ATP13A5: variants seen among roughly 807,000 people sequenced by gnomAD.
ATP13A5 encodes the protein probable cation-transporting ATPase 13A5.
In ATP13A5, 149 loss-of-function variants were observed where a neutral mutation model predicts 150.2. The ratio of observed to expected loss-of-function variants is 0.99; its 90% CI spans 0.87 to 1.14. ATP13A5 has a LOEUF of 1.14. Among genes scored for constraint, ATP13A5 ranks in the 50% most tolerant of loss-of-function variants. The pLI is 0.00. For missense variants in ATP13A5, 1,383 were observed against 1,449.3 expected (o/e 0.95, Z 0.74); for synonymous variants, 497 against 522.2 (o/e 0.95, Z 0.66).
At chr3:193,367,942 A>AC (rs1002054284) in intron 1 of ATP13A5, among the ~76,000 whole-genome samples, 2 of 148,264 alleles carry the variant, frequency 1.3e-5, no homozygotes, top group African/African-American at 4.9e-5. Flanking sequence ...AGAAGTCTTA[A>AC]CCAGTGCAAC....
intron 29 of ATP13A5, among the ~76,000 whole-genome samples, chr3:193,276,292 A>G (rs2108810922): frequency 6.6e-6 from 1 of 152,344 alleles, no homozygotes; most frequent in African/African-American, 2.4e-5. Flanking sequence ...CACTGAGTAG[A>G]AAAGAAACAC....
chr3:193,346,005 T>A (rs1712321226), intron 7 of ATP13A5, among the ~76,000 whole-genome samples: 1 of 152,030 alleles, frequency 6.6e-6, no homozygotes, highest in African/African-American at 2.4e-5. Context: ...AACTGTGGAT[T>A]TTCATATTGG....
intron 4 of ATP13A5, 34 bp downstream of exon 4, chr3:193,362,533 T>C: frequency 1.9e-6 from 3 of 1,613,652 alleles, no homozygotes; most frequent in Non-Finnish European, 2.5e-6. Context: ...TTCCCCTATA[T>C]CCTGACCAAG....
In ATP13A5 at chr3:193,321,927, G is replaced by A. The variant is rs1295111410; in HGVS notation, c.1759-90C>T. On this transcript the variant is annotated intron_variant, in intron 15 of 29. Transcript: ENST00000342358. Reference sequence around the variant, plus strand: ...ACAAAAGGGCTTTACTGTGCAATGAGCCCAGAGACATCTTGATGTAGTATA... The same window carrying A: ...ACAAAAGGGCTTTACTGTGCAATGAACCCAGAGACATCTTGATGTAGTATA... 6 of 1,380,078 alleles carry A rather than the reference G, an allele frequency of 4.3e-6. No individual in the cohort carries two copies. In the African/African-American group the frequency reaches 7.2e-5, roughly 17 times the overall value. 85.5% of individuals were successfully genotyped at this position (1,380,078 alleles called of 1,614,324 possible). A position where few individuals can be genotyped will look rare whatever the true frequency, so the allele number is the denominator to read the frequency against.
At position 193,319,116 on chromosome 3, in the gene ATP13A5, G is replaced by A. The variant is rs781704642; in HGVS notation, c.1916-8C>T. ...GTGGGAAATTCTTGGGCACTGCCAGGGTAGAAGAAACAGGTAAGTGTAAGG... is the reference window on the plus strand; with the variant it reads ...GTGGGAAATTCTTGGGCACTGCCAGAGTAGAAGAAACAGGTAAGTGTAAGG... On this transcript the variant is annotated splice_polypyrimidine_tract_variant and splice_region_variant and intron_variant, in intron 16 of 29. Transcript: ENST00000342358. The A allele has an allele frequency of 1.2e-6, 2 of 1,607,404 alleles. No homozygotes were observed. The highest frequency in any genetic ancestry group is 1.1e-5 in the South Asian group (1 of 90,822).
chr3:193,349,505 CAA>C (rs76668345), intron 7 of ATP13A5, among the ~76,000 whole-genome samples: 142,315 of 152,122 alleles, frequency 0.94, 66,657 homozygotes, highest in Middle Eastern at 0.98. Context: ...ATATTTGACT[CAA>C]TATATAAATG....
chr3:193,305,173 T>C (rs1464697190), intron 23 of ATP13A5, among the ~76,000 whole-genome samples: 1 of 152,194 alleles, frequency 6.6e-6, no homozygotes, highest in African/African-American at 2.4e-5. Context: ...TGTAATAGTA[T>C]TTAGGGAAGC....
At position 193,364,288 on chromosome 3, in the gene ATP13A5, A is replaced by T. The variant is rs1422437239; in HGVS notation, c.64-8T>A. 2 of 1,602,872 alleles carry T rather than the reference A, an allele frequency of 1.2e-6. No homozygotes were observed. ...CCGGTAACCAAACACCTCCTGGAGA[A>T]TAAATTTAAAAGATCGCTCTATTTT... is the stretch of plus-strand genomic sequence containing the variant. On this transcript the variant is annotated splice_polypyrimidine_tract_variant and splice_region_variant and intron_variant, in intron 1 of 29. Coordinates refer to ENST00000342358, the MANE Select transcript of ATP13A5 (RefSeq NM_198505.4).
chr3:193,368,365 G>C (rs192811191), intron 1 of ATP13A5, among the ~76,000 whole-genome samples: 11 of 147,744 alleles, frequency 7.4e-5, no homozygotes, highest in African/African-American at 1.7e-4. Context: ...TTAGCCATTA[G>C]TAATCCAATT....
chr3:193,309,004 A>G (rs1292567343), intron 21 of ATP13A5, among the ~76,000 whole-genome samples: 1 of 152,200 alleles, frequency 6.6e-6, no homozygotes, highest in African/African-American at 2.4e-5. Flanking sequence ...AAATCTAACA[A>G]TAAAAGGGTG....
chr3:193,315,694 T>C (rs1719022810), intron 17 of ATP13A5, among the ~76,000 whole-genome samples: 1 of 152,188 alleles, frequency 6.6e-6, no homozygotes, highest in Non-Finnish European at 1.5e-5. Context: ...TTTTAAAAAG[T>C]AAATTTGGGG....
At chr3:193,294,450 A>T (rs1164377568) in intron 25 of ATP13A5, among the ~76,000 whole-genome samples, 3 of 152,116 alleles carry the variant, frequency 2.0e-5, no homozygotes, top group African/African-American at 4.8e-5. Flanking sequence ...ACTTCCAGAC[A>T]TGCATTGCCT....
At chr3:193,373,304 AT>A (rs890920495) in intron 1 of ATP13A5, among the ~76,000 whole-genome samples, 15 of 151,584 alleles carry the variant, frequency 9.9e-5, no homozygotes, top group Non-Finnish European at 1.6e-4. Context: ...TGCCCAGCTA[AT>A]TTTTTTTCTT....
At chr3:193,330,180 AG>A (rs973031829) in intron 12 of ATP13A5, among the ~76,000 whole-genome samples, 11 of 152,232 alleles carry the variant, frequency 7.2e-5, no homozygotes, top group African/African-American at 2.6e-4. Context: ...TGCACCTCAA[AG>A]GTGGCCTCCA....
intron 6 of ATP13A5, among the ~76,000 whole-genome samples, chr3:193,353,861 C>T (rs1349866734): frequency 1.3e-5 from 2 of 151,576 alleles, no homozygotes; most frequent in East Asian, 3.9e-4. Flanking sequence ...GTGGACTAAC[C>T]ACCCCACCAC....
At position 193,369,158 on chromosome 3, in the gene ATP13A5, C is replaced by T. The variant is rs544645885; in HGVS notation, c.64-4878G>A. On this transcript the variant is annotated intron_variant, in intron 1 of 29. Transcript: ENST00000342358. ...CCTCAGGAGGCAGAGGTGGGAGGAT[C>T]GCTTGAGCCCAGGAGTTCAGGGCTT... is the stretch of plus-strand genomic sequence containing the variant. Among the ~76,000 whole-genome samples the T allele has an allele frequency of 2.1e-4, 32 of 152,048 alleles. No homozygotes were observed. The South Asian group carries it at 2.9e-3, about 14-fold the overall frequency.
chr3:193,325,925 G>A (rs777948140), intron 13 of ATP13A5, among the ~76,000 whole-genome samples: 3 of 152,138 alleles, frequency 2.0e-5, no homozygotes, highest in Non-Finnish European at 4.4e-5. Flanking sequence ...CCCTTTCACT[G>A]CTCTGGCCAA....
intron 8 of ATP13A5, 102 bp from the exon 9 acceptor site, chr3:193,344,157 C>A: frequency 7.0e-7 from 1 of 1,425,796 alleles, no homozygotes; most frequent in Non-Finnish European, 9.4e-7. Flanking sequence ...CCAAGAGCTA[C>A]CCTACCTGTT....
At chr3:193,344,119 C>G in intron 8 of ATP13A5, 64 bp from the exon 9 acceptor site, 1 of 1,571,966 alleles carries the variant, frequency 6.4e-7, no homozygotes, top group African/African-American at 1.4e-5. Context: ...AGAATGAAGG[C>G]AACTAAGAAT....
Sources: gnomAD v4.1 joint callset for allele counts (sites outside exome capture counted in the v4.1 genomes callset) on GRCh38, gnomAD v4.1.1 for gene constraint, MANE v1.5 for transcripts, NCBI Gene and HGNC (gene_info 2026-07-23, HGNC 2026-07-21) for gene names.